Variants in TF observed in about 807,000 individuals in gnomAD.
The protein encoded by TF is transferrin.
Under a neutral mutation model 82.4 loss-of-function variants are expected in TF, and 55 were observed. The ratio of observed to expected loss-of-function variants is 0.67; its 90% confidence interval spans 0.54 to 0.84. The LOEUF is 0.84. Among genes scored for constraint, TF ranks in the 40% least tolerant of loss-of-function variants. TF has a pLI of 0.00. For synonymous variants in TF, 332 were observed against 332.6 expected, an observed-to-expected ratio of 1.00 and a Z score of 0.02; for missense variants, 737 against 868.4, an observed-to-expected ratio of 0.85 and a Z score of 1.90.
the TF span, chr3:133,688,496 C>G: frequency 1.3e-5 from 2 of 152,088 alleles, no homozygotes; most frequent in African/African-American, 2.4e-5. Flanking sequence ...AGAAACAAGC[C>G]AAAGATCTGA....
chr3:133,774,138 T>A (rs985224247), intron 14 of TF: 2 of 152,220 alleles, frequency 1.3e-5, no homozygotes, highest in Non-Finnish European at 2.9e-5. Context: ...TTTTGGTATG[T>A]GTGTTATTTT....
At chr3:133,668,148 C>G in the TF span, among the ~76,000 whole-genome samples, 2 of 152,220 alleles carry the variant, frequency 1.3e-5, no homozygotes, top group African/African-American at 4.8e-5. Flanking sequence ...GTGAAACTGA[C>G]TGGAACCAAA....
At chr3:133,717,229 A>G in the TF span, among the ~76,000 whole-genome samples, 4 of 152,132 alleles carry the variant, frequency 2.6e-5, no homozygotes, top group Non-Finnish European at 4.4e-5. Context: ...AGCAGCTTAC[A>G]CCAAGGGCAC....
At position 133,764,369 on chromosome 3, in the gene TF, C is replaced by T. The variant is rs763351515; in HGVS notation, c.1297+94C>T. The T allele has an allele frequency of 7.0e-5, 76 of 1,082,354 alleles. No homozygotes were observed. The Middle Eastern group carries it at 1.2e-3, about 17-fold the overall frequency. 67.0% of individuals were successfully genotyped at this position (1,082,354 alleles called of 1,614,324 possible). On this transcript the variant is annotated intron_variant, in intron 10 of 16. Transcript: ENST00000402696. ...CACAGTCTGATTCATACCACAGCTG[C>T]CATAAAGCTTTCCCTCTCTGAGCAC... is the stretch of plus-strand genomic sequence containing the variant.
the TF span, among the ~76,000 whole-genome samples, chr3:133,717,320 G>T: frequency 6.6e-6 from 1 of 152,106 alleles, no homozygotes; most frequent in African/African-American, 2.4e-5. Flanking sequence ...ATTCTTTAAG[G>T]GTAGGGTTGC....
At chr3:133,673,742 G>A in the TF span, among the ~76,000 whole-genome samples, 1 of 152,220 alleles carries the variant, frequency 6.6e-6, no homozygotes, top group African/African-American at 2.4e-5. Context: ...GTTTCTTGAT[G>A]TGGGTGCTGG....
At chr3:133,692,450 G>T in the TF span, among the ~76,000 whole-genome samples, 1 of 152,188 alleles carries the variant, frequency 6.6e-6, no homozygotes, top group South Asian at 2.1e-4. Context: ...CCCTCAGGAA[G>T]AAGCAGTGAC....
chr3:133,718,917 T>C, the TF span, among the ~76,000 whole-genome samples: 1 of 150,868 alleles, frequency 6.6e-6, no homozygotes, highest in Non-Finnish European at 1.5e-5. Flanking sequence ...AGGAAAGACA[T>C]AGGGTGGTGG....
rs1202908740 is a variant in TF at position 133,783,721 on chromosome 3, G to A, written c.*5101G>A. On this transcript the variant is annotated 3_prime_UTR_variant, in exon 17 of 17. Transcript: ENST00000402696. ...CGAACAGAATTTGAGATGTGAGCGC[G>A]GACAGCTCTGCTGGGCCCTCCAGGC... The A allele has an allele frequency of 6.6e-6, 1 of 152,252 alleles. No homozygotes were observed. Among genetic ancestry groups the A allele is most frequent in the African/African-American group, 2.4e-5 (1 of 41,470 alleles). The allele number at this position is 152,252 out of a possible 1,614,324, so 9.4% of individuals were successfully genotyped here.
chr3:133,689,717 A>G, the TF span, among the ~76,000 whole-genome samples: 3 of 152,140 alleles, frequency 2.0e-5, no homozygotes, highest in African/African-American at 7.2e-5. Context: ...ATTCAGATAC[A>G]TTGTCAGCTT....
chr3:133,788,678 T>TCA lies in TF; in HGVS notation c.*10058_*10059insCA, dbSNP rs1934753278. On this transcript the variant is annotated 3_prime_UTR_variant, in exon 17 of 17. Coordinates refer to ENST00000402696, the MANE Select transcript of TF (RefSeq NM_001063.4). ...TTCCTTTCCAACTCGGGACCCTTGGTGGGCAGCGCCTAAACACGGAGGCAA... is the reference window on the plus strand; with the variant it reads ...TTCCTTTCCAACTCGGGACCCTTGGTCAGGGCAGCGCCTAAACACGGAGGCAA... The TCA allele has an allele frequency of 6.6e-6, 1 of 152,132 alleles. No individual in the cohort carries two copies. Among genetic ancestry groups the TCA allele is most frequent in the Admixed American group, 6.5e-5 (1 of 15,270 alleles). The allele number at this position is 152,132 out of a possible 1,614,324, so 9.4% of individuals were successfully genotyped here. A position where few individuals can be genotyped will look rare whatever the true frequency, so the allele number is the denominator to read the frequency against.
intron 11 of TF, 47 bp downstream of exon 11, chr3:133,764,954 T>C: frequency 6.3e-7 from 1 of 1,591,944 alleles, no homozygotes; most frequent in Non-Finnish European, 8.6e-7. Flanking sequence ...AAATTCCCAT[T>C]GTTTTGGGGA....
the TF span, among the ~76,000 whole-genome samples, chr3:133,666,710 G>A: frequency 1.3e-5 from 2 of 151,986 alleles, no homozygotes; most frequent in East Asian, 1.9e-4. Context: ...CAGGGAATTG[G>A]CCTGTTTGCA....
At chr3:133,718,770 A>G in the TF span, among the ~76,000 whole-genome samples, 5 of 152,226 alleles carry the variant, frequency 3.3e-5, no homozygotes, top group Admixed American at 3.3e-4. Context: ...GAGTAGAGAA[A>G]GGAAAGCAGG....
chr3:133,717,935 G>A, the TF span, among the ~76,000 whole-genome samples: 5 of 152,120 alleles, frequency 3.3e-5, no homozygotes, highest in African/African-American at 9.7e-5. Context: ...GGTCACAAAT[G>A]GTGACATTTC....
the TF span, among the ~76,000 whole-genome samples, chr3:133,724,105 G>A: frequency 1.3e-5 from 2 of 152,064 alleles, no homozygotes; most frequent in Non-Finnish European, 2.9e-5. Context: ...AAATAGTGCC[G>A]CAATAAATAT....
the TF span, among the ~76,000 whole-genome samples, chr3:133,718,326 G>A: frequency 6.6e-6 from 1 of 152,150 alleles, no homozygotes; most frequent in Non-Finnish European, 1.5e-5. Context: ...AGTGAGGGCA[G>A]GGTCCCTGGT....
the TF span, among the ~76,000 whole-genome samples, chr3:133,720,635 C>T: frequency 6.6e-6 from 1 of 152,104 alleles, no homozygotes; most frequent in South Asian, 2.1e-4. Context: ...ATATTCTCTC[C>T]TCTTCAATTT....
At chr3:133,724,855 GTT>G in the TF span, among the ~76,000 whole-genome samples, 1 of 151,472 alleles carries the variant, frequency 6.6e-6, no homozygotes, top group African/African-American at 2.4e-5. Flanking sequence ...AAGGGATCCA[GTT>G]TCAGCTTTCT....
Sources: gnomAD v4.1 joint callset for allele counts (sites outside exome capture counted in the v4.1 genomes callset) on GRCh38, gnomAD v4.1.1 for gene constraint, MANE v1.5 for transcripts, NCBI Gene and HGNC (gene_info 2026-07-23, HGNC 2026-07-21) for gene names.